The following GRIA2 variants were observed in gnomAD, a reference collection of about 807,000 sequenced individuals.
GRIA2 encodes the protein glutamate ionotropic receptor AMPA type subunit 2.
A neutral mutation model predicts 97.3 loss-of-function variants in GRIA2; 14 were observed. The ratio of observed to expected loss-of-function variants is 0.14; its 90% CI spans 0.10 to 0.23. GRIA2 has a LOEUF of 0.23. Ranked by LOEUF, GRIA2 falls within the 10% of genes least tolerant of loss-of-function variation. The pLI is 1.00. For synonymous variants in GRIA2, 412 were observed against 387.8 expected, an observed-to-expected ratio of 1.06 and a Z score of -0.73; for missense variants, 558 against 1,069.8, an observed-to-expected ratio of 0.52 and a Z score of 6.67.
At chr4:157,338,476 G>A (rs1735404046) in intron 11 of GRIA2, among the ~76,000 whole-genome samples, 1 of 151,962 alleles carries the variant, frequency 6.6e-6, no homozygotes, top group Admixed American at 6.6e-5. Flanking sequence ...TTTGCACACA[G>A]GGACTGGAGC....
At chr4:157,329,484 G>T (rs1260369351) in intron 6 of GRIA2, among the ~76,000 whole-genome samples, 5 of 151,836 alleles carry the variant, frequency 3.3e-5, no homozygotes, top group Non-Finnish European at 5.9e-5. Context: ...TTTCAAAATT[G>T]GTCATTAATT....
chr4:157,365,608 T>G lies in GRIA2; in HGVS notation c.*2177T>G, dbSNP rs1162767592. On this transcript the variant is annotated 3_prime_UTR_variant, in exon 16 of 16. Coordinates refer to ENST00000264426, the MANE Select transcript of GRIA2 (RefSeq NM_001083619.3). Reference sequence around the variant, plus strand: ...TATTTCAACTATGGATAATGTTGATTGGATAATGCACATCTCAGTTACAAG... The same window carrying G: ...TATTTCAACTATGGATAATGTTGATGGGATAATGCACATCTCAGTTACAAG... The G allele has an allele frequency of 6.6e-6, 1 of 151,956 alleles. No individual in the cohort carries two copies. Among genetic ancestry groups the G allele is most frequent in the African/African-American group, 2.4e-5 (1 of 41,400 alleles). 9.4% of individuals were successfully genotyped at this position (151,956 alleles called of 1,614,324 possible). A position where few individuals can be genotyped will look rare whatever the true frequency, so the allele number is the denominator to read the frequency against.
intron 2 of GRIA2, chr4:157,249,645 T>G (rs888699608): frequency 5.9e-5 from 9 of 152,158 alleles, no homozygotes; most frequent in African/African-American, 2.2e-4. Context: ...TGAATGATAG[T>G]AGTCTCGTTC....
chr4:157,241,655 T>G (rs1730517362), intron 2 of GRIA2, among the ~76,000 whole-genome samples: 1 of 152,136 alleles, frequency 6.6e-6, no homozygotes, highest in African/African-American at 2.4e-5. Context: ...ATAGCGTTCA[T>G]CTGTTTGGCT....
chr4:157,305,441 G>A (rs981305389), intron 3 of GRIA2, among the ~76,000 whole-genome samples: 1 of 151,894 alleles, frequency 6.6e-6, no homozygotes, highest in Non-Finnish European at 1.5e-5. Context: ...TTTTTGGACT[G>A]CATTACTCTC....
In GRIA2 at chr4:157,256,233, AATAT is replaced by A. The variant is rs35047857; in HGVS notation, c.229+34436_229+34439del. ...ATGTTATATATAATATATAATATAT[AATAT>A]ATATATATAATATATAAATTATATA... On this transcript the variant is annotated intron_variant, in intron 2 of 15. Transcript: ENST00000264426. Among the ~76,000 whole-genome samples, 440 of 124,588 alleles carry A rather than the reference AATAT, an allele frequency of 3.5e-3. 23 individuals carry two copies. Among genetic ancestry groups the A allele is most frequent in the African/African-American group, 0.012 (405 of 32,520 alleles). The allele number at this position is 124,588 out of a possible 152,430, so 81.7% of individuals were successfully genotyped here.
At chr4:157,274,580 A>G (rs1388601815) in intron 2 of GRIA2, among the ~76,000 whole-genome samples, 2 of 128,730 alleles carry the variant, frequency 1.6e-5, no homozygotes, top group South Asian at 2.4e-4. Flanking sequence ...ATGTGTTCTC[A>G]TTGTTCAATT....
At chr4:157,237,759 T>C (rs1208630379) in intron 2 of GRIA2, among the ~76,000 whole-genome samples, 1 of 152,104 alleles carries the variant, frequency 6.6e-6, no homozygotes, top group Non-Finnish European at 1.5e-5. Context: ...GTTTCTGGGG[T>C]CTCAGATCAA....
chr4:157,229,819 A>AT (rs753645648), intron 2 of GRIA2, among the ~76,000 whole-genome samples: 2 of 152,260 alleles, frequency 1.3e-5, no homozygotes, highest in Middle Eastern at 3.4e-3. Flanking sequence ...TTGATTTCAC[A>AT]TGATAAATGC....
chr4:157,350,783 G>T (rs1735976175), intron 12 of GRIA2, among the ~76,000 whole-genome samples: 1 of 151,854 alleles, frequency 6.6e-6, no homozygotes, highest in Admixed American at 6.6e-5. Flanking sequence ...GGAATTAATT[G>T]CTTGCCTTAA....
intron 2 of GRIA2, among the ~76,000 whole-genome samples, chr4:157,278,481 G>C (rs748296389): frequency 3.3e-5 from 5 of 151,942 alleles, no homozygotes; most frequent in Non-Finnish European, 7.4e-5. Context: ...TCAAAAGGGA[G>C]CATAGGACTA....
chr4:157,260,467 T>A (rs766081394), intron 2 of GRIA2, among the ~76,000 whole-genome samples: 2 of 152,036 alleles, frequency 1.3e-5, no homozygotes, highest in Non-Finnish European at 2.9e-5. Flanking sequence ...TTCAGCATGA[T>A]CAATGGTGAC....
At chr4:157,274,994 A>T (rs1321522202) in intron 2 of GRIA2, among the ~76,000 whole-genome samples, 1 of 151,288 alleles carries the variant, frequency 6.6e-6, no homozygotes, top group Admixed American at 6.6e-5. Context: ...ACAGTGTAAA[A>T]GTGTTCCTAT....
chr4:157,221,334 C>T, intron 1 of GRIA2: 1 of 550,722 alleles, frequency 1.8e-6, no homozygotes, highest in Non-Finnish European at 3.2e-6. Context: ...AAGAAAAGGT[C>T]CTCTCATTTC....
chr4:157,259,475 C>T (rs1309016499), intron 2 of GRIA2, among the ~76,000 whole-genome samples: 1 of 152,112 alleles, frequency 6.6e-6, no homozygotes, highest in African/African-American at 2.4e-5. Context: ...AGCTCCCTTA[C>T]TGCTCTGTAA....
chr4:157,253,494 A>C (rs188946344), intron 2 of GRIA2, among the ~76,000 whole-genome samples: 2 of 152,082 alleles, frequency 1.3e-5, no homozygotes, highest in Admixed American at 6.6e-5. Flanking sequence ...GGGGTCCTTA[A>C]TAATTTTTAA....
At chr4:157,358,828 T>G (rs2126996162) in intron 12 of GRIA2, among the ~76,000 whole-genome samples, 1 of 152,294 alleles carries the variant, frequency 6.6e-6, no homozygotes, top group African/African-American at 2.4e-5. Flanking sequence ...TTATAAACCA[T>G]TTGGATTTAT....
In GRIA2 at chr4:157,309,666, A is replaced by G. The variant is rs189229217; in HGVS notation, c.470-3013A>G. On this transcript the variant is annotated intron_variant, in intron 3 of 15. Coordinates refer to ENST00000264426, the MANE Select transcript of GRIA2 (RefSeq NM_001083619.3). ...TTTTGATTTTATACATCATCTCTAT[A>G]TTCTTTTGCAAGGTGAACTGCCGGA... 7.6e-4 allele frequency among the ~76,000 whole-genome samples: 116 copies of G among 152,280 alleles called. 2 individuals carry two copies. In the East Asian group the frequency reaches 0.021, roughly 28 times the overall value.
At chr4:157,339,477 G>C (rs1735453003) in intron 11 of GRIA2, among the ~76,000 whole-genome samples, 1 of 151,848 alleles carries the variant, frequency 6.6e-6, no homozygotes, top group South Asian at 2.1e-4. Context: ...ATAATAAATA[G>C]TTGAAGTACT....
Sources: allele counts gnomAD v4.1 joint callset (sites outside exome capture counted in the v4.1 genomes callset), GRCh38; gene constraint gnomAD v4.1.1; transcripts MANE v1.5; gene names NCBI Gene and HGNC (gene_info 2026-07-23, HGNC 2026-07-21).